AFF3: variants seen among roughly 807,000 people sequenced by gnomAD.
AFF3 encodes ALF transcription elongation factor 3.
AFF3 carries 32 observed loss-of-function variants against 129.7 expected under a neutral mutation model. The ratio of observed to expected loss-of-function variants is 0.25; its 90% CI spans 0.19 to 0.33. The LOEUF (loss-of-function observed/expected upper bound fraction) is 0.33, where lower values mean the gene tolerates loss of function less well. AFF3 is among the 10% of genes least tolerant of loss of function. The pLI, the probability that AFF3 is intolerant of heterozygous loss-of-function variation, is 1.00. For missense variants in AFF3, 1,373 were observed against 1,592.0 expected, an observed-to-expected ratio of 0.86 and a Z score of 2.34; for synonymous variants, 644 against 635.4, an observed-to-expected ratio of 1.01 and a Z score of -0.20.
chr2:99,630,076 A>C, intron 13 of AFF3, among the ~76,000 whole-genome samples: 1 of 152,338 alleles, frequency 6.6e-6, no homozygotes, highest in East Asian at 1.9e-4. Flanking sequence ...CACACCTCAG[A>C]AACACTAACA....
At chr2:99,843,437 G>C (rs1025608812) in intron 7 of AFF3, among the ~76,000 whole-genome samples, 1 of 152,044 alleles carries the variant, frequency 6.6e-6, no homozygotes, top group Non-Finnish European at 1.5e-5. Flanking sequence ...AAAATGCAAA[G>C]GAAAAATACA....
chr2:99,826,738 C>T (rs1021561466), intron 8 of AFF3, among the ~76,000 whole-genome samples: 12 of 152,092 alleles, frequency 7.9e-5, no homozygotes, highest in African/African-American at 2.9e-4. Context: ...TGCGACTCTG[C>T]AAACCACGTC....
In AFF3 at chr2:99,946,574, G is replaced by A. The variant is rs540171842; in HGVS notation, c.873+60058C>T. 4.1e-5 allele frequency among the ~76,000 whole-genome samples: 6 copies of A among 144,924 alleles called. No individual in the cohort carries two copies. The South Asian group carries it at 1.4e-3, about 34-fold the overall frequency. On this transcript the variant is annotated intron_variant, in intron 7 of 24. Coordinates refer to ENST00000672756, the MANE Select transcript of AFF3 (RefSeq NM_001386135.1). ...GGTTCAGGATACCCCACTGTCTGCA[G>A]AATTTCCCCATACCCCCAAACTCAG...
chr2:100,071,776 C>T (rs1172334555), intron 4 of AFF3, among the ~76,000 whole-genome samples: 2 of 152,150 alleles, frequency 1.3e-5, no homozygotes, highest in South Asian at 2.1e-4. Flanking sequence ...TACAAAACCT[C>T]GGCTGTGGCT....
At chr2:99,704,162 A>G (rs373699521) in intron 11 of AFF3, among the ~76,000 whole-genome samples, 1 of 152,202 alleles carries the variant, frequency 6.6e-6, no homozygotes, top group South Asian at 2.1e-4. Flanking sequence ...ATATGATGAA[A>G]GAAGCTCATG....
At chr2:99,882,116 C>T (rs997354427) in intron 7 of AFF3, among the ~76,000 whole-genome samples, 2 of 152,026 alleles carry the variant, frequency 1.3e-5, no homozygotes, top group Non-Finnish European at 2.9e-5. Flanking sequence ...CCCTCTCTCA[C>T]TGCAACCCAT....
At chr2:99,915,933 TGAA>T in intron 7 of AFF3, among the ~76,000 whole-genome samples, 1 of 152,302 alleles carries the variant, frequency 6.6e-6, no homozygotes, top group Middle Eastern at 3.4e-3. Context: ...AGACTTAAAC[TGAA>T]GAAGAGTCTG....
chr2:99,696,636 A>G (rs1250792575), intron 11 of AFF3, among the ~76,000 whole-genome samples: 10 of 151,996 alleles, frequency 6.6e-5, no homozygotes, highest in Admixed American at 6.6e-5. Flanking sequence ...GTGCTTTCTA[A>G]CTATGTAATA....
intron 1 of AFF3, among the ~76,000 whole-genome samples, chr2:100,135,751 A>G (rs1013243926): frequency 6.6e-6 from 1 of 152,198 alleles, no homozygotes; most frequent in African/African-American, 2.4e-5. Context: ...CTGAGCAGTC[A>G]TATATTTTGA....
intron 7 of AFF3, among the ~76,000 whole-genome samples, chr2:100,005,936 T>A (rs1681933091): frequency 6.6e-6 from 1 of 152,250 alleles, no homozygotes; most frequent in Admixed American, 6.5e-5. Flanking sequence ...CTAAGTATAA[T>A]GTTCTAGAAC....
rs922406616 is a variant in AFF3, at chr2:100,061,860, G to GT, written c.53+42541_53+42542insA. Among the ~76,000 whole-genome samples, 70 of 151,110 alleles carry GT rather than the reference G, an allele frequency of 4.6e-4. 2 individuals carry two copies. The highest frequency in any genetic ancestry group is 3.3e-4 in the Admixed American group (5 of 15,172). On this transcript the variant is annotated intron_variant, in intron 4 of 24. Coordinates refer to ENST00000672756, the MANE Select transcript of AFF3 (RefSeq NM_001386135.1). ...AAAGAGATGGGTAGCACAGTGGAGG[G>GT]GGGGGGGGTGCCGACTCTCAAGTCC...
chr2:99,782,465 C>T (rs534007842), intron 8 of AFF3, among the ~76,000 whole-genome samples: 158 of 152,290 alleles, frequency 1.0e-3, no homozygotes, highest in African/African-American at 3.6e-3. Context: ...GCTGTGCTGC[C>T]GCCATAGGAA....
chr2:99,586,244 G>A (rs889824365), intron 16 of AFF3, among the ~76,000 whole-genome samples: 1 of 152,176 alleles, frequency 6.6e-6, no homozygotes, highest in Non-Finnish European at 1.5e-5. Context: ...ACCCTGCAAA[G>A]AGGACCGAGG....
At chr2:99,648,917 A>ACACACACTCTCTCTCTCTCTCT in intron 13 of AFF3, among the ~76,000 whole-genome samples, 11 of 46,926 alleles carry the variant, frequency 2.3e-4, no homozygotes, top group African/African-American at 6.4e-4. Flanking sequence ...ACACACACAC[A>ACACACACTCTCTCTCTCTCTCT]CTCTCTCTCT....
chr2:99,904,107 C>T (rs1216598711), intron 7 of AFF3, among the ~76,000 whole-genome samples: 3 of 152,082 alleles, frequency 2.0e-5, no homozygotes, highest in African/African-American at 7.2e-5. Flanking sequence ...CTAGATACGT[C>T]ATTTCTGATA....
rs1674331633 is a variant in AFF3 at position 99,550,486 on chromosome 2, AT to A, written c.*987del. ...AAGGGACAATCTAGGTAATGGCCTC[AT>A]TTAGCCAAGAAAATCTGTAAGAAAG... On this transcript the variant is annotated 3_prime_UTR_variant, in exon 25 of 25. Coordinates refer to ENST00000672756, the MANE Select transcript of AFF3 (RefSeq NM_001386135.1). The A allele has an allele frequency of 4.3e-6, 1 of 231,284 alleles. No homozygotes were observed. The highest frequency in any genetic ancestry group is 8.6e-6 in the Non-Finnish European group (1 of 116,854). 14.3% of individuals were successfully genotyped at this position (231,284 alleles called of 1,614,324 possible). A position where few individuals can be genotyped will look rare whatever the true frequency, so the allele number is the denominator to read the frequency against.
chr2:99,779,575 A>G (rs765182728), intron 8 of AFF3, among the ~76,000 whole-genome samples: 7 of 152,150 alleles, frequency 4.6e-5, no homozygotes, highest in Non-Finnish European at 7.4e-5. Flanking sequence ...GGTTTCTTAC[A>G]TGCATATACT....
chr2:99,619,633 T>C (rs539916726), intron 13 of AFF3, among the ~76,000 whole-genome samples: 1 of 152,258 alleles, frequency 6.6e-6, no homozygotes, highest in Admixed American at 6.5e-5. Context: ...GTGCCCGGGA[T>C]TGGGTAATTC....
At chr2:99,891,574 C>A (rs1465532250) in intron 7 of AFF3, among the ~76,000 whole-genome samples, 1 of 152,192 alleles carries the variant, frequency 6.6e-6, no homozygotes, top group African/African-American at 2.4e-5. Flanking sequence ...CAGGTGCGGG[C>A]AGGCGGGCGA....
Sources: gnomAD v4.1 joint callset for allele counts (sites outside exome capture counted in the v4.1 genomes callset) on GRCh38, gnomAD v4.1.1 for gene constraint, MANE v1.5 for transcripts, NCBI Gene and HGNC (gene_info 2026-07-23, HGNC 2026-07-21) for gene names.